The following RBPMS variants were observed in gnomAD, a reference collection of about 807,000 sequenced individuals.
RBPMS encodes RNA-binding protein with multiple splicing.
Under a neutral mutation model 26.8 loss-of-function variants are expected in RBPMS, and 7 were observed. The ratio of observed to expected loss-of-function variants is 0.26; its 90% CI spans 0.15 to 0.49. RBPMS has a LOEUF of 0.49. RBPMS is among the 20% of genes least tolerant of loss of function. The pLI is 0.98. For missense variants in RBPMS, 186 were observed against 250.0 expected (o/e 0.74, Z 1.73); for synonymous variants, 96 against 93.3 (o/e 1.03, Z -0.17).
At chr8:30,495,090 T>G (rs1035710787) in intron 4 of RBPMS, among the ~76,000 whole-genome samples, 4 of 152,190 alleles carry the variant, frequency 2.6e-5, no homozygotes. Context: ...AATATTATTC[T>G]TTTATAACAC....
intron 5 of RBPMS, among the ~76,000 whole-genome samples, chr8:30,508,459 C>T (rs1275325255): frequency 6.6e-6 from 1 of 152,172 alleles, no homozygotes; most frequent in Admixed American, 6.5e-5. Flanking sequence ...TTCTCAGCTA[C>T]ACAGCGGCAA....
intron 1 of RBPMS, among the ~76,000 whole-genome samples, chr8:30,472,670 A>G (rs1179422761): frequency 6.6e-6 from 1 of 152,276 alleles, no homozygotes; most frequent in African/African-American, 2.4e-5. Context: ...TTTATCAAAC[A>G]TACTTACATG....
At chr8:30,479,698 A>C (rs1818072999) in intron 4 of RBPMS, among the ~76,000 whole-genome samples, 1 of 152,020 alleles carries the variant, frequency 6.6e-6, no homozygotes, top group African/African-American at 2.4e-5. Context: ...TTTCCAGAGG[A>C]GATATTTGAG....
chr8:30,563,359 G>A (rs180872092), intron 7 of RBPMS, among the ~76,000 whole-genome samples: 1 of 152,306 alleles, frequency 6.6e-6, no homozygotes, highest in East Asian at 1.9e-4. Context: ...CAGTTTCCCA[G>A]ATACACTGAG....
At chr8:30,456,165 T>A (rs10954996) in intron 1 of RBPMS, among the ~76,000 whole-genome samples, 3 of 152,056 alleles carry the variant, frequency 2.0e-5, no homozygotes, top group Non-Finnish European at 4.4e-5. Flanking sequence ...TGTTATATAT[T>A]TATCTGATAT....
At position 30,426,684 on chromosome 8, in the gene RBPMS, T is replaced by C. The variant is rs188440217; in HGVS notation, c.66+41526T>C. Among the ~76,000 whole-genome samples, 948 of 151,120 alleles carry C rather than the reference T, an allele frequency of 6.3e-3. 11 individuals are homozygous for C. The highest frequency in any genetic ancestry group is 9.0e-3 in the Non-Finnish European group (612 of 67,738). ...CACTTTGCTTGCAGTGATTTTCTTT[T>C]TTTTTTTTTTTTGCTTACTATGTCT... On this transcript the variant is annotated intron_variant, in intron 1 of 8. Transcript: ENST00000397323.
chr8:30,412,869 A>G (rs1288076789), intron 1 of RBPMS, among the ~76,000 whole-genome samples: 2 of 152,134 alleles, frequency 1.3e-5, no homozygotes, highest in African/African-American at 4.8e-5. Context: ...TTCAAAAGCT[A>G]CTTTCCAAGA....
At chr8:30,472,198 T>G (rs1817192282) in intron 1 of RBPMS, among the ~76,000 whole-genome samples, 1 of 152,208 alleles carries the variant, frequency 6.6e-6, no homozygotes, top group South Asian at 2.1e-4. Context: ...GTATCCACAC[T>G]ACAGAATACT....
chr8:30,455,783 G>C (rs999612016), intron 1 of RBPMS, among the ~76,000 whole-genome samples: 2 of 152,132 alleles, frequency 1.3e-5, no homozygotes, highest in African/African-American at 4.8e-5. Context: ...GCAACTACTC[G>C]GGAGGCTGAG....
At chr8:30,410,186 A>ACACACACACACG (rs1809178625) in intron 1 of RBPMS, among the ~76,000 whole-genome samples, 1 of 146,368 alleles carries the variant, frequency 6.8e-6, no homozygotes, top group Non-Finnish European at 1.5e-5. Flanking sequence ...ACACACACAC[A>ACACACACACACG]CACACTTAAC....
chr8:30,480,036 A>G (rs1818114270), intron 4 of RBPMS, among the ~76,000 whole-genome samples: 1 of 152,196 alleles, frequency 6.6e-6, no homozygotes, highest in Admixed American at 6.5e-5. Flanking sequence ...GAAAAACTAA[A>G]CAATTTAAGG....
chr8:30,412,672 T>G (rs1219585028), intron 1 of RBPMS, among the ~76,000 whole-genome samples: 1 of 152,232 alleles, frequency 6.6e-6, no homozygotes, highest in Non-Finnish European at 1.5e-5. Context: ...GTTGGTTCAT[T>G]CTTTTTTAAG....
chr8:30,515,868 G>T (rs1041562434), intron 5 of RBPMS, among the ~76,000 whole-genome samples: 1 of 151,968 alleles, frequency 6.6e-6, no homozygotes, highest in African/African-American at 2.4e-5. Flanking sequence ...TGTTGCCCAG[G>T]CTGGTCTTGA....
At chr8:30,559,774 G>A (rs1390268235) in intron 7 of RBPMS, among the ~76,000 whole-genome samples, 5 of 152,148 alleles carry the variant, frequency 3.3e-5, no homozygotes, top group African/African-American at 9.7e-5. Context: ...AGAGGGAGGG[G>A]CCTGATCCTC....
At chr8:30,491,078 T>A (rs1039310614) in intron 4 of RBPMS, among the ~76,000 whole-genome samples, 1 of 152,200 alleles carries the variant, frequency 6.6e-6, no homozygotes, top group African/African-American at 2.4e-5. Flanking sequence ...TTACCCACTT[T>A]GCTTATTTCT....
At chr8:30,480,391 G>C (rs1818151223) in intron 4 of RBPMS, among the ~76,000 whole-genome samples, 1 of 152,192 alleles carries the variant, frequency 6.6e-6, no homozygotes, top group African/African-American at 2.4e-5. Flanking sequence ...TGATGACTTA[G>C]AGGTCTAAGG....
Position 30,385,083 on chromosome 8 carries a change from G to T in RBPMS, c.-10G>T, listed in dbSNP as rs1253015198. The T allele has an allele frequency of 6.6e-7, 1 of 1,515,176 alleles. No homozygotes were observed. Among genetic ancestry groups the T allele is most frequent in the South Asian group, 1.3e-5 (1 of 79,878 alleles). 93.9% of individuals were successfully genotyped at this position (1,515,176 alleles called of 1,614,324 possible). Reference sequence around the variant, plus strand: ...AGCCCTGCCCGGCCCGGCGAGGAAGGACCGGGAAGATGAACAACGGCGGCA... The same window carrying T: ...AGCCCTGCCCGGCCCGGCGAGGAAGTACCGGGAAGATGAACAACGGCGGCA... On this transcript the variant is annotated 5_prime_UTR_variant, in exon 1 of 9. Transcript: ENST00000397323.
At chr8:30,547,153 A>T (rs948612955) in intron 6 of RBPMS, 21 of 657,032 alleles carry the variant, frequency 3.2e-5, no homozygotes, top group Non-Finnish European at 5.2e-5. Flanking sequence ...TGGAGCCTCT[A>T]CGGGGCATCT....
intron 5 of RBPMS, among the ~76,000 whole-genome samples, chr8:30,534,128 C>CAA (rs71937602): frequency 0.011 from 1,594 of 144,740 alleles, 24 homozygotes; most frequent in African/African-American, 0.031. Context: ...ACGAGACTCT[C>CAA]AAAAAAAAAA....
Sources: allele counts gnomAD v4.1 joint callset (sites outside exome capture counted in the v4.1 genomes callset), GRCh38; gene constraint gnomAD v4.1.1; transcripts MANE v1.5; gene names NCBI Gene and HGNC (gene_info 2026-07-23, HGNC 2026-07-21).